The following ARHGAP26 variants were observed in gnomAD, a reference collection of about 807,000 sequenced individuals.
The protein encoded by ARHGAP26 is rho GTPase-activating protein 26.
ARHGAP26 carries 38 observed loss-of-function variants against 104.8 expected under a neutral mutation model. The observed-to-expected ratio is 0.36, with a 90% CI of 0.28 to 0.48. ARHGAP26 has a LOEUF of 0.48. Among genes scored for constraint, ARHGAP26 ranks in the 20% least tolerant of loss-of-function variants. ARHGAP26 has a pLI of 0.99. For synonymous variants in ARHGAP26, 341 were observed against 340.0 expected (o/e 1.00, Z -0.03); for missense variants, 704 against 947.9 (o/e 0.74, Z 3.38).
intron 11 of ARHGAP26, among the ~76,000 whole-genome samples, chr5:142,983,840 G>A (rs1034796294): frequency 6.6e-6 from 1 of 152,106 alleles, no homozygotes; most frequent in African/African-American, 2.4e-5. Flanking sequence ...AACAAAACAT[G>A]CATCCCTTTC....
chr5:142,978,751 T>C (rs1192690488), intron 11 of ARHGAP26, among the ~76,000 whole-genome samples: 2 of 150,664 alleles, frequency 1.3e-5, no homozygotes, highest in African/African-American at 4.9e-5. Context: ...GTTTGCCTTT[T>C]TTTTTTTTTT....
intron 20 of ARHGAP26, among the ~76,000 whole-genome samples, chr5:143,184,948 C>A (rs1374945334): frequency 6.6e-6 from 1 of 152,076 alleles, no homozygotes; most frequent in Non-Finnish European, 1.5e-5. Context: ...CCACTGCACC[C>A]CTAGTATTTA....
At chr5:142,801,870 T>TA (rs1272307453) in intron 1 of ARHGAP26, among the ~76,000 whole-genome samples, 4 of 152,230 alleles carry the variant, frequency 2.6e-5, no homozygotes, top group Non-Finnish European at 5.9e-5. Context: ...GTGCTGTTGA[T>TA]ACTTATGTCT....
At chr5:142,996,711 A>G (rs1484531989) in intron 11 of ARHGAP26, among the ~76,000 whole-genome samples, 3 of 152,094 alleles carry the variant, frequency 2.0e-5, no homozygotes, top group African/African-American at 7.2e-5. Flanking sequence ...TCCTAGATGA[A>G]GATGGCCAGC....
chr5:142,955,020 T>C (rs1768994181), intron 11 of ARHGAP26, among the ~76,000 whole-genome samples: 1 of 152,094 alleles, frequency 6.6e-6, no homozygotes, highest in Admixed American at 6.5e-5. Flanking sequence ...GGCTCACGCC[T>C]GTAATCCCAA....
chr5:143,007,193 CGAAA>C (rs373767920), intron 11 of ARHGAP26, among the ~76,000 whole-genome samples: 3 of 115,332 alleles, frequency 2.6e-5, no homozygotes, highest in African/African-American at 3.4e-5. Flanking sequence ...ACTCTGTCTC[CGAAA>C]AAAAAAAAAA....
At chr5:143,137,700 T>C (rs1798054107) in intron 19 of ARHGAP26, among the ~76,000 whole-genome samples, 1 of 152,274 alleles carries the variant, frequency 6.6e-6, no homozygotes, top group African/African-American at 2.4e-5. Context: ...AATGTTTATT[T>C]GGCATTCCAT....
At chr5:142,879,532 A>G in intron 4 of ARHGAP26, 87 bp downstream of exon 4, 1 of 1,258,228 alleles carries the variant, frequency 7.9e-7, no homozygotes, top group Non-Finnish European at 1.1e-6. Flanking sequence ...GTCTTCAGAA[A>G]TGTCTTCAGA....
intron 20 of ARHGAP26, among the ~76,000 whole-genome samples, chr5:143,180,189 G>A (rs574754434): frequency 4.1e-4 from 63 of 152,152 alleles, no homozygotes; most frequent in Middle Eastern, 3.4e-3. Context: ...GCAGTGGTGC[G>A]ATCTTGGCTC....
chr5:142,981,331 A>C (rs1220735327), intron 11 of ARHGAP26, among the ~76,000 whole-genome samples: 1 of 152,202 alleles, frequency 6.6e-6, no homozygotes, highest in Non-Finnish European at 1.5e-5. Flanking sequence ...GGAGGATTCA[A>C]TGAGACATGC....
intron 1 of ARHGAP26, among the ~76,000 whole-genome samples, chr5:142,810,680 A>G (rs937296944): frequency 6.6e-6 from 1 of 152,170 alleles, no homozygotes; most frequent in African/African-American, 2.4e-5. Context: ...ACTGTAGTCA[A>G]TTCTGTTTTG....
intron 20 of ARHGAP26, among the ~76,000 whole-genome samples, chr5:143,197,647 C>A (rs142688093): frequency 6.6e-6 from 1 of 152,074 alleles, no homozygotes; most frequent in African/African-American, 2.4e-5. Flanking sequence ...GCCTTTTTAC[C>A]CTTTTAATAT....
At chr5:142,874,906 A>C in intron 2 of ARHGAP26, 1 of 553,400 alleles carries the variant, frequency 1.8e-6, no homozygotes, top group Non-Finnish European at 3.2e-6. Context: ...CCCTAGCTAG[A>C]GTGCCAGGTG....
At chr5:142,804,932 A>G (rs1418506629) in intron 1 of ARHGAP26, among the ~76,000 whole-genome samples, 1 of 152,148 alleles carries the variant, frequency 6.6e-6, no homozygotes, top group Non-Finnish European at 1.5e-5. Flanking sequence ...GTATGAATGG[A>G]ATCATTCAAC....
chr5:142,851,168 C>T (rs1322178587), intron 1 of ARHGAP26, among the ~76,000 whole-genome samples: 2 of 151,148 alleles, frequency 1.3e-5, no homozygotes, highest in Non-Finnish European at 2.9e-5. Context: ...ATGATCTCGG[C>T]TCACTGCAAG....
At chr5:142,953,898 C>T (rs1212658871) in intron 11 of ARHGAP26, among the ~76,000 whole-genome samples, 1 of 152,198 alleles carries the variant, frequency 6.6e-6, no homozygotes, top group Non-Finnish European at 1.5e-5. Context: ...CCTTGGTTGA[C>T]ATCGTCCATT....
chr5:143,081,058 G>A (rs1361069657), intron 17 of ARHGAP26, among the ~76,000 whole-genome samples: 1 of 151,936 alleles, frequency 6.6e-6, no homozygotes, highest in Non-Finnish European at 1.5e-5. Context: ...CCTTCACTGG[G>A]GGAGAAACGG....
At chr5:143,001,712 T>C (rs2152786287) in intron 11 of ARHGAP26, among the ~76,000 whole-genome samples, 1 of 152,358 alleles carries the variant, frequency 6.6e-6, no homozygotes, top group Admixed American at 6.5e-5. Context: ...TTCTAGAATC[T>C]ACAGTTCCAT....
chr5:143,177,175 A>G (rs1803582913), intron 20 of ARHGAP26, among the ~76,000 whole-genome samples: 1 of 152,180 alleles, frequency 6.6e-6, no homozygotes, highest in Non-Finnish European at 1.5e-5. Context: ...ACTATATACA[A>G]TCTAGAATAA....
Sources: allele counts gnomAD v4.1 joint callset (sites outside exome capture counted in the v4.1 genomes callset), GRCh38; gene constraint gnomAD v4.1.1; transcripts MANE v1.5; gene names NCBI Gene and HGNC (gene_info 2026-07-23, HGNC 2026-07-21).